AGBL1: variants seen among roughly 807,000 people sequenced by gnomAD.
AGBL1 encodes AGBL carboxypeptidase 1.
A neutral mutation model predicts 118.9 loss-of-function variants in AGBL1; 130 were observed. The observed-to-expected ratio is 1.09, with a 90% CI of 0.95 to 1.26. AGBL1 has a LOEUF of 1.26. AGBL1 is among the 50% of genes most tolerant of loss of function. The pLI is 0.00. For missense variants in AGBL1, 1,584 were observed against 1,298.1 expected (o/e 1.22, Z -3.38); for synonymous variants, 555 against 478.9 (o/e 1.16, Z -2.08).
rs145825597 is a variant in AGBL1, at chr15:86,447,718, G to C, written c.2555+50172G>C. Among the ~76,000 whole-genome samples the C allele has an allele frequency of 1.5e-3, 235 of 152,284 alleles. 1 individual carries two copies. The highest frequency in any genetic ancestry group is 5.4e-3 in the African/African-American group (225 of 41,550). On this transcript the variant is annotated intron_variant, in intron 18 of 22. Coordinates refer to ENST00000614907, the MANE Select transcript of AGBL1 (RefSeq NM_001386094.1). ...TTCTAATAATACTTACTGAGTATCT[G>C]GTAGGGCCAAGCACTATTTAAGGCC...
chr15:86,300,887 T>C (rs1314304068), intron 17 of AGBL1, among the ~76,000 whole-genome samples: 2 of 152,212 alleles, frequency 1.3e-5, no homozygotes, highest in African/African-American at 2.4e-5. Flanking sequence ...AAGATTTACA[T>C]GGGGTCCCGA....
intron 6 of AGBL1, among the ~76,000 whole-genome samples, chr15:86,225,249 C>T (rs1345148127): frequency 6.6e-6 from 1 of 151,828 alleles, no homozygotes; most frequent in Admixed American, 6.6e-5. Context: ...TACTGTGGAG[C>T]TGATGGACCC....
Position 86,674,428 on chromosome 15 carries a change from C to T in AGBL1, c.3150C>T (p.His1050=), listed in dbSNP as rs774478203. 88 of 1,605,324 alleles carry T rather than the reference C, an allele frequency of 5.5e-5. No individual in the cohort carries two copies. The highest frequency in any genetic ancestry group is 2.0e-4 in the South Asian group (18 of 90,816). Residue 1050 remains histidine, a synonymous_variant, in exon 22 of 23, where the codon CAC becomes CAT. Transcript: ENST00000614907. ...CTGAGGAGGACGCTCTGGACCAGCA[C>T]CTCCAACGGTAAGATGCTCCCAAGG... ...LSAEEDALDQ[H]LQRCSSSSGS... is the part of the protein sequence containing the mutation.
At chr15:86,344,218 G>A (rs185937099) in intron 17 of AGBL1, among the ~76,000 whole-genome samples, 41 of 152,292 alleles carry the variant, frequency 2.7e-4, no homozygotes, top group African/African-American at 9.6e-4. Flanking sequence ...TGTACCACGG[G>A]CCTTAGAACC....
intron 22 of AGBL1, among the ~76,000 whole-genome samples, chr15:86,810,885 T>C (rs1164621700): frequency 1.3e-5 from 2 of 152,160 alleles, no homozygotes; most frequent in Non-Finnish European, 2.9e-5. Context: ...CTCAAGCAGC[T>C]CTAAGCTCTG....
intron 21 of AGBL1, among the ~76,000 whole-genome samples, chr15:86,560,907 T>C (rs987993387): frequency 1.3e-5 from 2 of 152,244 alleles, no homozygotes; most frequent in Non-Finnish European, 2.9e-5. Context: ...TGAGCATTTT[T>C]TCATGTGTCT....
chr15:86,309,593 T>G (rs1307621985), intron 17 of AGBL1, among the ~76,000 whole-genome samples: 2 of 152,198 alleles, frequency 1.3e-5, no homozygotes, highest in Non-Finnish European at 2.9e-5. Flanking sequence ...TATAACTAAT[T>G]TATTGAGAGT....
At chr15:86,967,182 T>C (rs1213465490) in intron 23 of AGBL1, among the ~76,000 whole-genome samples, 1 of 152,180 alleles carries the variant, frequency 6.6e-6, no homozygotes, top group Admixed American at 6.6e-5. Context: ...TGTTTGTTTT[T>C]TTCTTGTAAA....
intron 22 of AGBL1, among the ~76,000 whole-genome samples, chr15:86,894,865 C>T (rs922885948): frequency 2.0e-5 from 3 of 152,140 alleles, no homozygotes; most frequent in Non-Finnish European, 4.4e-5. Flanking sequence ...CAAGCTTTAC[C>T]TTCAAGATAG....
chr15:86,107,611 C>G (rs1266166495), intron 1 of AGBL1: 1 of 152,198 alleles, frequency 6.6e-6, no homozygotes, highest in Non-Finnish European at 1.5e-5. Context: ...TTCAGAATCA[C>G]TTTCTTACAA....
intron 18 of AGBL1, among the ~76,000 whole-genome samples, chr15:86,398,476 C>CAGG (rs908024833): frequency 3.3e-5 from 5 of 151,842 alleles, no homozygotes; most frequent in Non-Finnish European, 7.4e-5. Flanking sequence ...AAATTCAAAA[C>CAGG]CTACAATGGA....
At position 86,907,328 on chromosome 15, in the gene AGBL1, C is replaced by G. The variant is rs1390284605; in HGVS notation, c.*34C>G. 3.3e-5 allele frequency: 5 copies of G among 152,340 alleles called. No homozygotes were observed. In the South Asian group the frequency reaches 6.2e-4, roughly 19 times the overall value. 9.4% of individuals were successfully genotyped at this position (152,340 alleles called of 1,614,324 possible). On this transcript the variant is annotated 3_prime_UTR_variant, in exon 23 of 23. Transcript: ENST00000614907. ...TTCACAGCAAGTTCTGTGTCTCCAA[C>G]CATTGGATTGGACTAGCAGCTGTGT...
chr15:86,440,484 G>GAATAATAATTATAATAAT (rs2082049490), intron 18 of AGBL1, among the ~76,000 whole-genome samples: 1 of 144,504 alleles, frequency 6.9e-6, no homozygotes, highest in African/African-American at 2.6e-5. Flanking sequence ...ATGGGATGGA[G>GAATAATAATTATAATAAT]AATAATAATA....
intron 22 of AGBL1, among the ~76,000 whole-genome samples, chr15:86,906,520 C>A (rs112704327): frequency 1.3e-5 from 2 of 152,188 alleles, no homozygotes; most frequent in South Asian, 4.1e-4. Context: ...AACCATTCAT[C>A]ATGATGAAGG....
At chr15:86,736,088 A>G (rs919153547) in intron 22 of AGBL1, among the ~76,000 whole-genome samples, 1 of 152,144 alleles carries the variant, frequency 6.6e-6, no homozygotes, top group African/African-American at 2.4e-5. Flanking sequence ...TTATGAATAA[A>G]TAAAGTTTAT....
chr15:86,262,078 C>CTTTTTGTTTTTTTTTTTTTT (rs2078997460), intron 9 of AGBL1, among the ~76,000 whole-genome samples: 1 of 52,768 alleles, frequency 1.9e-5, no homozygotes, highest in Non-Finnish European at 3.6e-5. Flanking sequence ...GCATAGCTGG[C>CTTTTTGTTTTTTTTTTTTTT]TTTTTTTTTT....
intron 21 of AGBL1, among the ~76,000 whole-genome samples, chr15:86,625,587 C>T (rs1344527689): frequency 2.6e-5 from 4 of 151,722 alleles, no homozygotes; most frequent in African/African-American, 9.7e-5. Flanking sequence ...ATGAAAGACA[C>T]AGAGAATATA....
intron 17 of AGBL1, among the ~76,000 whole-genome samples, chr15:86,326,682 G>C (rs545223440): frequency 6.6e-6 from 1 of 152,074 alleles, no homozygotes; most frequent in Non-Finnish European, 1.5e-5. Context: ...GCTTGTTGTT[G>C]TTAATTTTTT....
At chr15:86,558,237 A>G (rs764341123) in intron 21 of AGBL1, among the ~76,000 whole-genome samples, 1 of 152,100 alleles carries the variant, frequency 6.6e-6, no homozygotes, top group Non-Finnish European at 1.5e-5. Flanking sequence ...CAGGCACTCA[A>G]TTTCCCCTGG....
Sources: allele counts gnomAD v4.1 joint callset (sites outside exome capture counted in the v4.1 genomes callset), GRCh38; gene constraint gnomAD v4.1.1; transcripts MANE v1.5; gene names NCBI Gene and HGNC (gene_info 2026-07-23, HGNC 2026-07-21).